EPM2A: variants seen among roughly 807,000 people sequenced by gnomAD.
The protein encoded by EPM2A is EPM2A glucan phosphatase, laforin, also known as laforin.
Under a neutral mutation model 26.5 loss-of-function variants are expected in EPM2A, and 21 were observed. The ratio of observed to expected loss-of-function variants is 0.79; its 90% CI spans 0.56 to 1.14. EPM2A has a LOEUF of 1.14. Among genes scored for constraint, EPM2A ranks in the 50% most tolerant of loss-of-function variants. The pLI, the probability that EPM2A is intolerant of heterozygous loss-of-function variation, is 0.00. For synonymous variants in EPM2A, 217 were observed against 177.6 expected (o/e 1.22, Z -1.76); for missense variants, 458 against 440.8 (o/e 1.04, Z -0.35).
At chr6:145,558,669 G>T (rs1291377457) in intron 2 of EPM2A, among the ~76,000 whole-genome samples, 1 of 151,980 alleles carries the variant, frequency 6.6e-6, no homozygotes, top group Non-Finnish European at 1.5e-5. Flanking sequence ...GTATATGTTG[G>T]CCATTTGTAC....
chr6:145,620,875 T>C (rs1179677103), downstream of EPM2A, among the ~76,000 whole-genome samples: 1 of 152,242 alleles, frequency 6.6e-6, no homozygotes, highest in African/African-American at 2.4e-5. Flanking sequence ...CAATTATACA[T>C]ACATTGGGAA....
intron 4 of EPM2A, among the ~76,000 whole-genome samples, chr6:145,417,188 G>T (rs1429686935): frequency 1.3e-5 from 2 of 152,180 alleles, no homozygotes; most frequent in African/African-American, 4.8e-5. Flanking sequence ...ATTTCAATTT[G>T]GTTTTCTCCT....
Position 145,627,268 on chromosome 6 carries a change from C to T in EPM2A, c.*148G>A, listed in dbSNP as rs1435208102. 20 of 1,548,026 alleles carry T rather than the reference C, an allele frequency of 1.3e-5. No homozygotes were observed. Among genetic ancestry groups the T allele is most frequent in the Admixed American group, 1.2e-4 (6 of 50,726 alleles). ...ATACAGCCCCAAAACAAAGCATAATCGAAAGTCATCCCAGGTGAAAGTGGT... is the reference window on the plus strand; with the variant it reads ...ATACAGCCCCAAAACAAAGCATAATTGAAAGTCATCCCAGGTGAAAGTGGT... On this transcript the variant is annotated 3_prime_UTR_variant, in exon 4 of 4. Transcript: ENST00000367519.
At chr6:145,466,686 A>C (rs1562346264) in intron 4 of EPM2A, among the ~76,000 whole-genome samples, 2 of 152,162 alleles carry the variant, frequency 1.3e-5, no homozygotes, top group Non-Finnish European at 2.9e-5. Context: ...ATAAAGACAC[A>C]TGCACAGGTA....
chr6:145,491,775 C>T, intron 4 of EPM2A: 1 of 533,186 alleles, frequency 1.9e-6, no homozygotes, highest in Non-Finnish European at 3.9e-6. Context: ...AACTCTGCTG[C>T]TTTCCATACA....
intron 4 of EPM2A, among the ~76,000 whole-genome samples, chr6:145,451,096 G>T (rs959796571): frequency 2.0e-5 from 3 of 152,134 alleles, no homozygotes; most frequent in Non-Finnish European, 4.4e-5. Flanking sequence ...TCAATGATAC[G>T]GTTTAAGCTT....
chr6:145,586,683 G>A (rs1781199938), intron 2 of EPM2A, among the ~76,000 whole-genome samples: 1 of 152,098 alleles, frequency 6.6e-6, no homozygotes, highest in Non-Finnish European at 1.5e-5. Flanking sequence ...TCTTTATGGT[G>A]TTCCCCAAAA....
intron 4 of EPM2A, among the ~76,000 whole-genome samples, chr6:145,476,873 A>G (rs1360916853): frequency 6.6e-6 from 1 of 152,102 alleles, no homozygotes; most frequent in East Asian, 1.9e-4. Flanking sequence ...AAACAATCTA[A>G]TGATGTATAT....
intron 1 of EPM2A, among the ~76,000 whole-genome samples, chr6:145,716,656 C>T (rs546207032): frequency 8.5e-4 from 129 of 152,208 alleles, no homozygotes; most frequent in Admixed American, 7.7e-3. Flanking sequence ...TCTTCTCACT[C>T]AGGATTCCTT....
chr6:145,527,183 A>T (rs1164268417), intron 2 of EPM2A, among the ~76,000 whole-genome samples: 2 of 152,056 alleles, frequency 1.3e-5, no homozygotes, highest in African/African-American at 2.4e-5. Flanking sequence ...AAAAAAAATT[A>T]TTAAGACTTA....
intron 4 of EPM2A, among the ~76,000 whole-genome samples, chr6:145,388,544 T>C (rs1778293628): frequency 6.6e-6 from 1 of 152,204 alleles, no homozygotes; most frequent in African/African-American, 2.4e-5. Context: ...CTTTAAGTTC[T>C]GGGATACATG....
chr6:145,421,884 TAA>T (rs200417035), intron 4 of EPM2A, among the ~76,000 whole-genome samples: 6,997 of 150,660 alleles, frequency 0.046, 212 homozygotes, highest in Admixed American at 0.06. Context: ...GAAAAAATTA[TAA>T]AAAGAGACAA....
intron 4 of EPM2A, among the ~76,000 whole-genome samples, chr6:145,399,750 C>G (rs1006169611): frequency 6.6e-6 from 1 of 152,068 alleles, no homozygotes; most frequent in African/African-American, 2.4e-5. Context: ...TTATGTCAAC[C>G]CTTCAGGTGA....
chr6:145,575,618 T>C (rs1781020157), intron 2 of EPM2A, among the ~76,000 whole-genome samples: 1 of 152,324 alleles, frequency 6.6e-6, no homozygotes, highest in Non-Finnish European at 1.5e-5. Context: ...ATGTTCCTTG[T>C]TTCTCCACAA....
intron 4 of EPM2A, among the ~76,000 whole-genome samples, chr6:145,428,046 T>G (rs1409049245): frequency 1.3e-5 from 2 of 151,048 alleles, no homozygotes; most frequent in Non-Finnish European, 3.0e-5. Context: ...TTACTGTGTT[T>G]TCTTTTTTCC....
chr6:145,501,152 G>A (rs1419499805), downstream of EPM2A, among the ~76,000 whole-genome samples: 3 of 152,276 alleles, frequency 2.0e-5, no homozygotes, highest in Admixed American at 6.5e-5. Context: ...ACAAGCAAAC[G>A]TTGAAGAGTT....
intron 2 of EPM2A, among the ~76,000 whole-genome samples, chr6:145,679,034 A>G (rs1780291762): frequency 6.6e-6 from 1 of 152,184 alleles, no homozygotes; most frequent in South Asian, 2.1e-4. Context: ...GATTAAGAAA[A>G]TGTGGCACAT....
At chr6:145,715,434 C>A (rs1054671356) in intron 1 of EPM2A, among the ~76,000 whole-genome samples, 2 of 152,110 alleles carry the variant, frequency 1.3e-5, no homozygotes, top group African/African-American at 4.8e-5. Flanking sequence ...CAGACAGGGG[C>A]CCTGGTAGGA....
At chr6:145,552,346 T>C (rs1253126949) in intron 2 of EPM2A, among the ~76,000 whole-genome samples, 1 of 151,902 alleles carries the variant, frequency 6.6e-6, no homozygotes, top group African/African-American at 2.4e-5. Context: ...TTTAAAAGCT[T>C]CCAAGAAAAT....
Sources: gnomAD v4.1 joint callset for allele counts (sites outside exome capture counted in the v4.1 genomes callset) on GRCh38, gnomAD v4.1.1 for gene constraint, MANE v1.5 for transcripts, NCBI Gene and HGNC (gene_info 2026-07-23, HGNC 2026-07-21) for gene names.